Variants in RELCH observed in about 807,000 individuals in gnomAD.
RELCH encodes RAB11 binding and LisH domain, coiled-coil and HEAT repeat containing, also known as RAB11-binding protein RELCH.
RELCH carries 41 observed loss-of-function variants against 150.3 expected under a neutral mutation model. The ratio of observed to expected loss-of-function variants is 0.27; its 90% CI spans 0.21 to 0.35. The LOEUF (loss-of-function observed/expected upper bound fraction) is 0.35, where lower values mean the gene tolerates loss of function less well. RELCH is among the 10% of genes least tolerant of loss of function. The probability of loss-of-function intolerance (pLI) is 1.00; values close to 1 mark genes in which losing one functional copy is unlikely to be tolerated. For missense variants in RELCH, 1,092 were observed against 1,467.8 expected (o/e 0.74, Z 4.18); for synonymous variants, 478 against 531.8 (o/e 0.90, Z 1.39).
chr18:62,274,520 C>A (rs1000736119), intron 21 of RELCH, among the ~76,000 whole-genome samples: 2 of 152,180 alleles, frequency 1.3e-5, no homozygotes, highest in African/African-American at 4.8e-5. Context: ...TTACTGAAAA[C>A]ACACTCATGC....
rs937717339 is a variant in RELCH, at chr18:62,307,054, A to G, written c.*1520A>G. The G allele has an allele frequency of 6.6e-6, 1 of 152,472 alleles. No individual in the cohort carries two copies. The highest frequency in any genetic ancestry group is 2.4e-5 in the African/African-American group (1 of 41,470). 9.4% of individuals were successfully genotyped at this position (152,472 alleles called of 1,614,324 possible). On this transcript the variant is annotated 3_prime_UTR_variant, in exon 29 of 29. Transcript: ENST00000644646. ...GGTTCTAGGCATTCCTGAGAAATTG[A>G]AAGTGGCTACCTTTCATGTCAAAAA... is the stretch of plus-strand genomic sequence containing the variant.
Position 62,221,503 on chromosome 18 carries a change from G to C in RELCH, c.858+6G>C, listed in dbSNP as rs576147708. ...CAGATGAAAACGATGATCAGGTAAA[G>C]TTACTTTTTGTTTTTACAGTGATTT... is the stretch of plus-strand genomic sequence containing the variant. On this transcript the variant is annotated splice_donor_region_variant and intron_variant, in intron 5 of 28. Coordinates refer to ENST00000644646, the MANE Select transcript of RELCH (RefSeq NM_001346231.2). 1 of 1,318,650 alleles carries C rather than the reference G, an allele frequency of 7.6e-7. No individual in the cohort carries two copies. Among genetic ancestry groups the C allele is most frequent in the East Asian group, 2.5e-5 (1 of 39,964 alleles). 81.7% of individuals were successfully genotyped at this position (1,318,650 alleles called of 1,614,324 possible). A position where few individuals can be genotyped will look rare whatever the true frequency, so the allele number is the denominator to read the frequency against.
chr18:62,242,538 T>C lies in RELCH; in HGVS notation c.1621-2226T>C, dbSNP rs28608137. ...TCCTACGTGTTTCACTTGAAGAAAC[T>C]GAAAGAGAAGTTTGTGCTTTTCTTT... On this transcript the variant is annotated intron_variant, in intron 10 of 28. Transcript: ENST00000644646. Among the ~76,000 whole-genome samples the C allele has an allele frequency of 9.0e-3, 1,372 of 152,296 alleles. 19 individuals are homozygous for C. Among genetic ancestry groups the C allele is most frequent in the East Asian group, 0.052 (267 of 5,182 alleles).
chr18:62,223,284 T>C lies in RELCH; in HGVS notation c.858+1787T>C, dbSNP rs1469200454. 3.3e-5 allele frequency among the ~76,000 whole-genome samples: 5 copies of C among 151,350 alleles called. No individual in the cohort carries two copies. The East Asian group carries it at 9.7e-4, about 29-fold the overall frequency. ...AGATACAAATAACCAAAATCAACAA[T>C]GAGCAAGGTTACATCACTACAGATT... On this transcript the variant is annotated intron_variant, in intron 5 of 28. Transcript: ENST00000644646.
chr18:62,198,837 G>A (rs1163633052), intron 1 of RELCH, among the ~76,000 whole-genome samples: 1 of 151,816 alleles, frequency 6.6e-6, no homozygotes, highest in Non-Finnish European at 1.5e-5. Context: ...AACCTCACTA[G>A]GAATTTTTTA....
Position 62,187,370 on chromosome 18 carries a change from T to C in RELCH, c.-136T>C, listed in dbSNP as rs1176100385. The C allele has an allele frequency of 2.1e-5, 16 of 759,710 alleles. No homozygotes were observed. In the Admixed American group the frequency reaches 4.2e-4, roughly 20 times the overall value. The allele number at this position is 759,710 out of a possible 1,614,324, so 47.1% of individuals were successfully genotyped here. The stretch of plus-strand genomic sequence containing the variant: ...GATCTCCTGCCTTGGAGCGTACTCC[T>C]TGTCTCTAAGTCGGGAGGCAGGACG... On this transcript the variant is annotated 5_prime_UTR_variant, in exon 1 of 29. Transcript: ENST00000644646.
intron 2 of RELCH, among the ~76,000 whole-genome samples, chr18:62,218,902 A>T (rs2148355682): frequency 6.6e-6 from 1 of 152,082 alleles, no homozygotes; most frequent in South Asian, 2.1e-4. Context: ...GCTTTAATCT[A>T]ATGCTAATAA....
At chr18:62,193,875 A>T (rs2038831324) in intron 1 of RELCH, among the ~76,000 whole-genome samples, 1 of 152,148 alleles carries the variant, frequency 6.6e-6, no homozygotes, top group Non-Finnish European at 1.5e-5. Context: ...GAGTTGTAAG[A>T]GTTCTCTATA....
intron 27 of RELCH, among the ~76,000 whole-genome samples, chr18:62,293,011 T>G (rs2145074144): frequency 6.6e-6 from 1 of 152,314 alleles, no homozygotes. Flanking sequence ...ATCTGACACC[T>G]GTTCATCTTG....
At chr18:62,188,571 T>C (rs2148136487) in intron 1 of RELCH, among the ~76,000 whole-genome samples, 1 of 152,304 alleles carries the variant, frequency 6.6e-6, no homozygotes, top group South Asian at 2.1e-4. Flanking sequence ...ATTTGTTCTG[T>C]TGAGATAAAG....
rs187140439 is a variant in RELCH, at chr18:62,266,017, T to G, written c.2632-684T>G. ...GTTATCAATATTGGCAAAAATTGTT[T>G]GATATCTCCAAAACAAGTAGCTATT... On this transcript the variant is annotated intron_variant, in intron 18 of 28. Coordinates refer to ENST00000644646, the MANE Select transcript of RELCH (RefSeq NM_001346231.2). Among the ~76,000 whole-genome samples the G allele has an allele frequency of 3.5e-3, 532 of 151,838 alleles. 4 individuals are homozygous for G. The highest frequency in any genetic ancestry group is 0.013 in the African/African-American group (518 of 41,320).
intron 2 of RELCH, 151 bp downstream of exon 2, chr18:62,211,393 G>A: frequency 2.0e-6 from 1 of 502,828 alleles, no homozygotes; most frequent in Admixed American, 3.8e-5. Flanking sequence ...CTAATTTACT[G>A]CAAGTTTGGG....
chr18:62,225,058 A>G (rs1346565024), intron 5 of RELCH, among the ~76,000 whole-genome samples: 3 of 152,134 alleles, frequency 2.0e-5, no homozygotes, highest in Admixed American at 6.5e-5. Context: ...GGACTTCCAC[A>G]TAGATGATCT....
At chr18:62,222,798 C>G (rs542796910) in intron 5 of RELCH, among the ~76,000 whole-genome samples, 1 of 152,058 alleles carries the variant, frequency 6.6e-6, no homozygotes, top group East Asian at 1.9e-4. Context: ...GGTTCACTTA[C>G]AAAGTTAGAC....
chr18:62,306,779 A>G lies in RELCH; in HGVS notation c.*1245A>G, dbSNP rs1568461194. ...GCCTTTTTGAAAAATGAATATTTTG[A>G]TAAAAAGAATTCTTGTTTTAGCACA... On this transcript the variant is annotated 3_prime_UTR_variant, in exon 29 of 29. Coordinates refer to ENST00000644646, the MANE Select transcript of RELCH (RefSeq NM_001346231.2). 1 of 152,660 alleles carries G rather than the reference A, an allele frequency of 6.6e-6. No homozygotes were observed. The highest frequency in any genetic ancestry group is 2.4e-5 in the African/African-American group (1 of 41,464). The allele number at this position is 152,660 out of a possible 1,614,324, so 9.5% of individuals were successfully genotyped here.
rs138214512 is a variant in RELCH, at chr18:62,259,492, T to TA, written c.2202+826dup. Among the ~76,000 whole-genome samples the TA allele has an allele frequency of 3.8e-3, 570 of 148,482 alleles. 6 individuals carry two copies. The highest frequency in any genetic ancestry group is 9.8e-3 in the African/African-American group (400 of 40,674). ...ATGAAAGAAATTGAAGAGGAAATGT[T>TA]AAAAAAAAAAGATATCCATATTTAG... On this transcript the variant is annotated intron_variant, in intron 15 of 28. Coordinates refer to ENST00000644646, the MANE Select transcript of RELCH (RefSeq NM_001346231.2).
chr18:62,273,900 T>C, intron 20 of RELCH, 80 bp from the exon 21 acceptor site: 1 of 863,926 alleles, frequency 1.2e-6, no homozygotes, highest in Non-Finnish European at 1.9e-6. Flanking sequence ...GGTAACATTT[T>C]CTAATTATAG....
At chr18:62,233,503 T>C (rs904796156) in intron 10 of RELCH, among the ~76,000 whole-genome samples, 1 of 151,958 alleles carries the variant, frequency 6.6e-6, no homozygotes, top group African/African-American at 2.4e-5. Flanking sequence ...CCATAGGTAT[T>C]TTTAATAAAA....
intron 22 of RELCH, among the ~76,000 whole-genome samples, chr18:62,279,124 G>GA (rs1213526235): frequency 1.3e-5 from 2 of 152,104 alleles, no homozygotes; most frequent in Non-Finnish European, 2.9e-5. Context: ...AGAGGTTATG[G>GA]AAAATACTAT....
Sources: gnomAD v4.1 joint callset for allele counts (sites outside exome capture counted in the v4.1 genomes callset) on GRCh38, gnomAD v4.1.1 for gene constraint, MANE v1.5 for transcripts, NCBI Gene and HGNC (gene_info 2026-07-23, HGNC 2026-07-21) for gene names.